Variants in PTPRG observed in about 807,000 individuals in gnomAD.
The protein encoded by PTPRG is protein tyrosine phosphatase receptor type G.
Under a neutral mutation model 165.3 loss-of-function variants are expected in PTPRG, and 102 were observed. The observed-to-expected ratio is 0.62, with a 90% CI of 0.53 to 0.73. PTPRG has a LOEUF of 0.73. PTPRG is among the 30% of genes least tolerant of loss of function. The pLI, the probability that PTPRG is intolerant of heterozygous loss-of-function variation, is 0.00. For missense variants in PTPRG, 1,866 were observed against 1,861.4 expected (o/e 1.00, Z -0.05); for synonymous variants, 675 against 669.5 (o/e 1.01, Z -0.13).
intron 5 of PTPRG, among the ~76,000 whole-genome samples, chr3:62,093,631 G>C (rs779648543): frequency 6.6e-6 from 1 of 152,194 alleles, no homozygotes; most frequent in Non-Finnish European, 1.5e-5. Flanking sequence ...TGAGCATGTG[G>C]AACAAGGCCT....
chr3:62,226,283 A>C (rs1700763068), intron 13 of PTPRG, among the ~76,000 whole-genome samples: 1 of 152,238 alleles, frequency 6.6e-6, no homozygotes, highest in South Asian at 2.1e-4. Flanking sequence ...TGTGTCAAAA[A>C]GACACTCCAG....
In PTPRG at chr3:61,632,872, C is replaced by G. The variant is rs528018916; in HGVS notation, c.85+70500C>G. Among the ~76,000 whole-genome samples the G allele has an allele frequency of 1.8e-4, 28 of 152,282 alleles. No homozygotes were observed. In the Middle Eastern group the frequency reaches 0.021, roughly 112 times the overall value. On this transcript the variant is annotated intron_variant, in intron 1 of 29. Coordinates refer to ENST00000474889, the MANE Select transcript of PTPRG (RefSeq NM_002841.4). ...TAAAGCTTTCACTCTGGACCATGTT[C>G]TGCAAGATTCCACATGATCCAGCTT...
intron 1 of PTPRG, among the ~76,000 whole-genome samples, chr3:61,711,136 G>T (rs1244461424): frequency 2.0e-5 from 3 of 152,162 alleles, no homozygotes; most frequent in Non-Finnish European, 2.9e-5. Context: ...ATTCCATGGT[G>T]TATGTGTGCC....
intron 1 of PTPRG, among the ~76,000 whole-genome samples, chr3:61,683,729 A>G (rs1021477269): frequency 2.0e-5 from 3 of 152,198 alleles, no homozygotes; most frequent in Non-Finnish European, 4.4e-5. Flanking sequence ...CGTCACTTGA[A>G]TATTGGAAGC....
At chr3:62,049,722 C>T (rs983740728) in intron 4 of PTPRG, among the ~76,000 whole-genome samples, 9 of 152,160 alleles carry the variant, frequency 5.9e-5, no homozygotes, top group Non-Finnish European at 8.8e-5. Flanking sequence ...TTGTGCAGTA[C>T]TCACCCTGCG....
At chr3:61,618,223 A>G (rs942394146) in intron 1 of PTPRG, among the ~76,000 whole-genome samples, 8 of 152,228 alleles carry the variant, frequency 5.3e-5, no homozygotes, top group Non-Finnish European at 8.8e-5. Context: ...ATTTCTGGCA[A>G]ATTGTCTTAA....
intron 17 of PTPRG, 81 bp from the exon 18 acceptor site, chr3:62,267,329 T>A: frequency 9.5e-7 from 1 of 1,052,492 alleles, no homozygotes; most frequent in African/African-American, 1.6e-5. Flanking sequence ...TGTTACCTGA[T>A]TGCCTTGTGT....
intron 1 of PTPRG, among the ~76,000 whole-genome samples, chr3:61,586,129 ATTTAATTGCTAC>A (rs1700428392): frequency 2.0e-5 from 3 of 151,902 alleles, no homozygotes; most frequent in Non-Finnish European, 4.4e-5. Flanking sequence ...ATGGATTTTG[ATTTAATTGCTAC>A]TTTAATTGCT....
intron 8 of PTPRG, among the ~76,000 whole-genome samples, chr3:62,185,831 G>A (rs1705858521): frequency 6.6e-6 from 1 of 152,184 alleles, no homozygotes; most frequent in Admixed American, 6.5e-5. Flanking sequence ...CTGCAACCTT[G>A]TGAGGAAGAT....
intron 4 of PTPRG, among the ~76,000 whole-genome samples, chr3:62,068,284 CA>C (rs1701087258): frequency 6.6e-6 from 1 of 152,104 alleles, no homozygotes; most frequent in Admixed American, 6.5e-5. Context: ...TAGGCAGGGG[CA>C]GTGCCTGGCT....
intron 2 of PTPRG, among the ~76,000 whole-genome samples, chr3:61,788,093 CACGGCCAA>C (rs1344913026): frequency 3.9e-5 from 6 of 152,160 alleles, no homozygotes; most frequent in Non-Finnish European, 8.8e-5. Context: ...TCAAAGGACA[CACGGCCAA>C]CTTCTTTCCT....
rs1701062867 is a variant in PTPRG at position 62,237,593 on chromosome 3, T to C, written c.2376-6214T>C. On this transcript the variant is annotated intron_variant, in intron 14 of 29. Coordinates refer to ENST00000474889, the MANE Select transcript of PTPRG (RefSeq NM_002841.4). This position sits in a 1 kb window ranked among gnomAD's most constrained non-coding sequence, Gnocchi z 4.5. ...TCTGTTTTCCCAAGAGTAGACTTTATTTTTAAAGAGGTCTTTATCCTTAAA... is the reference window on the plus strand; with the variant it reads ...TCTGTTTTCCCAAGAGTAGACTTTACTTTTAAAGAGGTCTTTATCCTTAAA... Among the ~76,000 whole-genome samples the C allele has an allele frequency of 6.6e-6, 1 of 152,238 alleles. No homozygotes were observed. The highest frequency in any genetic ancestry group is 2.4e-5 in the African/African-American group (1 of 41,458).
intron 5 of PTPRG, among the ~76,000 whole-genome samples, chr3:62,128,438 A>G (rs1440041892): frequency 6.6e-6 from 1 of 152,062 alleles, no homozygotes; most frequent in African/African-American, 2.4e-5. Flanking sequence ...TGAAATTTGA[A>G]CTCAGGGAGA....
At chr3:61,761,800 T>C (rs1312056402) in intron 2 of PTPRG, among the ~76,000 whole-genome samples, 1 of 152,186 alleles carries the variant, frequency 6.6e-6, no homozygotes, top group African/African-American at 2.4e-5. Flanking sequence ...AACCTTCTTC[T>C]TAAAGCTGCA....
intron 2 of PTPRG, among the ~76,000 whole-genome samples, chr3:61,865,374 T>C (rs752444249): frequency 5.3e-5 from 8 of 152,164 alleles, no homozygotes; most frequent in Non-Finnish European, 1.2e-4. Context: ...CCACAAGGAA[T>C]GTGTTGTTAT....
rs7644894 is a variant in PTPRG, at chr3:62,190,193, A to G, written c.1034-1276A>G. Among the ~76,000 whole-genome samples, 16,066 of 152,138 alleles carry G rather than the reference A, an allele frequency of 0.11. 2,411 individuals carry two copies. Among genetic ancestry groups the G allele is most frequent in the African/African-American group, 0.34 (13,898 of 41,476 alleles). On this transcript the variant is annotated intron_variant, in intron 8 of 29. Coordinates refer to ENST00000474889, the MANE Select transcript of PTPRG (RefSeq NM_002841.4). This position sits in a 1 kb window ranked among gnomAD's most constrained non-coding sequence, Gnocchi z 5.2. ...GCAACCTTTGGCAACACCTGGAGAC[A>G]TTTTTGGTTGTCACAAGTTGAGGAC...
intron 2 of PTPRG, among the ~76,000 whole-genome samples, chr3:61,974,578 G>A (rs1253346978): frequency 6.6e-6 from 1 of 151,924 alleles, no homozygotes; most frequent in African/African-American, 2.4e-5. Flanking sequence ...TTTTAAATAT[G>A]TCCTTTATGG....
intron 1 of PTPRG, among the ~76,000 whole-genome samples, chr3:61,621,033 G>GTGTGTATATATATATATATATATATATA (rs767786792): frequency 7.7e-6 from 1 of 129,992 alleles, no homozygotes; most frequent in Admixed American, 8.3e-5. Flanking sequence ...GTGTGTGTGT[G>GTGTGTATATATATATATATATATATATA]TATATATATA....
chr3:61,960,863 A>G (rs1300308798), intron 2 of PTPRG, among the ~76,000 whole-genome samples: 5 of 152,136 alleles, frequency 3.3e-5, no homozygotes, highest in Non-Finnish European at 5.9e-5. Context: ...AATTAAGGCA[A>G]TGAGTGGTAT....
Sources: gnomAD v4.1 joint callset for allele counts (sites outside exome capture counted in the v4.1 genomes callset) on GRCh38, gnomAD v4.1.1 for gene constraint, Gnocchi (gnomAD v3.1) non-coding constraint, MANE v1.5 for transcripts, NCBI Gene and HGNC (gene_info 2026-07-23, HGNC 2026-07-21) for gene names.